NOTCH2: variants seen among roughly 807,000 people sequenced by gnomAD.
NOTCH2 encodes the protein notch receptor 2.
NOTCH2 carries 29 observed loss-of-function variants against 235.8 expected under a neutral mutation model. The observed-to-expected ratio is 0.12, with a 90% confidence interval of 0.09 to 0.17. NOTCH2 has a LOEUF of 0.17. NOTCH2 is among the 10% of genes least tolerant of loss of function. The pLI is 1.00. For synonymous variants in NOTCH2, 1,086 were observed against 1,141.5 expected, an observed-to-expected ratio of 0.95 and a Z score of 0.98; for missense variants, 2,285 against 3,150.2, an observed-to-expected ratio of 0.73 and a Z score of 6.57.
chr1:119,926,475 T>G (rs1570664779), intron 24 of NOTCH2, 24 bp downstream of exon 24: 1 of 1,517,776 alleles, frequency 6.6e-7, no homozygotes, highest in East Asian at 2.3e-5. Flanking sequence ...ATGCCCCTTC[T>G]TAGATGAGCA....
chr1:119,922,151 T>A, intron 28 of NOTCH2, 85 bp downstream of exon 28: 2 of 1,453,284 alleles, frequency 1.4e-6, no homozygotes, highest in Non-Finnish European at 1.9e-6. Flanking sequence ...GAGCTTAGAA[T>A]TTAAAATCAT....
rs889586094 is a variant in NOTCH2 at position 119,923,994 on chromosome 1, G to C, written c.4512-10C>G. The C allele has an allele frequency of 3.1e-6, 5 of 1,607,110 alleles. No homozygotes were observed. The African/African-American group carries it at 4.0e-5, about 13-fold the overall frequency. On this transcript the variant is annotated splice_polypyrimidine_tract_variant and intron_variant, in intron 25 of 33. Transcript: ENST00000256646. The stretch of plus-strand genomic sequence containing the variant: ...ACAGTATTTGTCATACCTAGGTAAG[G>C]GGAAGCAGAGAACAGGCAAAAGAGC...
chr1:119,957,883 C>CACACACACAA (rs1491347411), intron 12 of NOTCH2, among the ~76,000 whole-genome samples: 7 of 143,648 alleles, frequency 4.9e-5, no homozygotes, highest in East Asian at 4.0e-4. Context: ...CACACACACA[C>CACACACACAA]AACAGGCCCC....
In NOTCH2 at chr1:120,069,626, T is replaced by C. The variant is rs1351883992; in HGVS notation, c.-220A>G. On this transcript the variant is annotated 5_prime_UTR_variant, in exon 1 of 34. Transcript: ENST00000256646. ...GCCGCCTCAGCCGCCGCCCGAAGTT[T>C]GGCTGAAACTTTCTCGGGTGTGCAA... The C allele has an allele frequency of 6.4e-6, 9 of 1,401,982 alleles. No individual in the cohort carries two copies. Among genetic ancestry groups the C allele is most frequent in the African/African-American group, 1.5e-5 (1 of 65,682 alleles). The allele number at this position is 1,401,982 out of a possible 1,614,324, so 86.8% of individuals were successfully genotyped here. A position where few individuals can be genotyped will look rare whatever the true frequency, so the allele number is the denominator to read the frequency against.
rs372751663 is a variant in NOTCH2 at position 119,937,942 on chromosome 1, C to T, written c.3252G>A (p.Glu1084=). The change falls in exon 20 of 34, where the codon GAG becomes GAA. Residue 1084 remains glutamate (E), a synonymous_variant. Transcript: ENST00000256646. The part of the protein sequence containing the change: ...NKGTCVQKKA[E]SQCLCPSGWA... Reference sequence around the variant, plus strand: ...ATCCAGATGGACATAGGCACTGGGACTCTGCTTTTTTCTGAACGCAAGTAC... The same window carrying T: ...ATCCAGATGGACATAGGCACTGGGATTCTGCTTTTTTCTGAACGCAAGTAC... 2.5e-6 allele frequency: 4 copies of T among 1,614,064 alleles called. No individual in the cohort carries two copies. Among genetic ancestry groups the T allele is most frequent in the Non-Finnish European group, 3.4e-6 (4 of 1,180,030 alleles).
rs1003190653 is a variant in NOTCH2 at position 119,953,314 on chromosome 1, A to C, written c.2365+229T>G. On this transcript the variant is annotated intron_variant, in intron 14 of 33. Coordinates refer to ENST00000256646, the MANE Select transcript of NOTCH2 (RefSeq NM_024408.4). The stretch of plus-strand genomic sequence containing the variant: ...GGCAACAAGAGCAAAACTCTGTGTC[A>C]AAAAAAAAAAAAATTACTATTTCAA... Among the ~76,000 whole-genome samples, 11 of 79,212 alleles carry C rather than the reference A, an allele frequency of 1.4e-4. No individual in the cohort carries two copies. The African/African-American group carries it at 3.5e-3, about 25-fold the overall frequency. 52.0% of individuals were successfully genotyped at this position (79,212 alleles called of 152,430 possible). A position where few individuals can be genotyped will look rare whatever the true frequency, so the allele number is the denominator to read the frequency against.
At chr1:120,018,338 CT>C (rs1333686423) in intron 2 of NOTCH2, among the ~76,000 whole-genome samples, 1 of 99,760 alleles carries the variant, frequency 1.0e-5, no homozygotes, top group Non-Finnish European at 2.1e-5. Context: ...GACAAAGGTG[CT>C]TTCCAAAGTC....
chr1:120,007,586 A>C (rs1653029423), intron 2 of NOTCH2, among the ~76,000 whole-genome samples: 2 of 150,410 alleles, frequency 1.3e-5, no homozygotes, highest in East Asian at 1.9e-4. Flanking sequence ...GCTACTCGGG[A>C]GGCTGAGGCA....
intron 17 of NOTCH2, among the ~76,000 whole-genome samples, chr1:119,947,999 A>G (rs868974486): frequency 1.3e-5 from 2 of 152,344 alleles, no homozygotes; most frequent in African/African-American, 4.8e-5. Flanking sequence ...AGAAGGTTAA[A>G]TTGCAATGGG....
chr1:120,011,496 T>C (rs1413557666), intron 2 of NOTCH2, among the ~76,000 whole-genome samples: 2 of 152,250 alleles, frequency 1.3e-5, no homozygotes, highest in African/African-American at 4.8e-5. Context: ...TTTTTAGTGG[T>C]GCTTCTATGC....
chr1:120,039,497 C>T (rs1446991972), intron 1 of NOTCH2, among the ~76,000 whole-genome samples: 6 of 151,064 alleles, frequency 4.0e-5, no homozygotes, highest in Admixed American at 4.0e-4. Flanking sequence ...CAAGCTCCTC[C>T]TCCTGGGTTC....
intron 14 of NOTCH2, among the ~76,000 whole-genome samples, chr1:119,953,243 A>G (rs1220154806): frequency 6.6e-6 from 1 of 152,076 alleles, no homozygotes; most frequent in Non-Finnish European, 1.5e-5. Context: ...CCCGGGAGGT[A>G]GAGCTTGCAG....
intron 11 of NOTCH2, among the ~76,000 whole-genome samples, chr1:119,961,532 A>T (rs1553198970): frequency 6.6e-6 from 1 of 152,222 alleles, no homozygotes; most frequent in Admixed American, 6.5e-5. Flanking sequence ...CCAGTTTCCT[A>T]TTCTTTTCTC....
At chr1:119,948,762 TG>T (rs1650351235) in intron 16 of NOTCH2, among the ~76,000 whole-genome samples, 196 bp from the exon 17 acceptor site, 1 of 152,134 alleles carries the variant, frequency 6.6e-6, no homozygotes, top group South Asian at 2.1e-4. Flanking sequence ...CCCTGAAGAA[TG>T]AACATCATGG....
chr1:120,013,905 C>A (rs587710267), intron 2 of NOTCH2, among the ~76,000 whole-genome samples: 2 of 151,796 alleles, frequency 1.3e-5, no homozygotes, highest in South Asian at 2.1e-4. Flanking sequence ...ACCCAACAAC[C>A]CTTACATATC....
rs1650627193 is a variant in NOTCH2 at position 119,954,919 on chromosome 1, A to G, written c.2219+121T>C. ...TCAGAAGGCTTTGATGCAGACTACC[A>G]AATCTTCAGCAAAGTTTCAGCTCAA... On this transcript the variant is annotated intron_variant, in intron 13 of 33. Coordinates refer to ENST00000256646, the MANE Select transcript of NOTCH2 (RefSeq NM_024408.4). The G allele has an allele frequency of 3.1e-6, 3 of 963,704 alleles. No individual in the cohort carries two copies. The Admixed American group carries it at 5.9e-5, about 19-fold the overall frequency. The allele number at this position is 963,704 out of a possible 1,614,324, so 59.7% of individuals were successfully genotyped here.
intron 1 of NOTCH2, among the ~76,000 whole-genome samples, chr1:120,046,160 A>G (rs1654781884): frequency 7.2e-6 from 1 of 139,054 alleles, no homozygotes; most frequent in African/African-American, 2.8e-5. Flanking sequence ...TCAAGAGTAT[A>G]CAGTATGCCA....
At chr1:120,011,623 C>T (rs1553206942) in intron 2 of NOTCH2, among the ~76,000 whole-genome samples, 4 of 152,146 alleles carry the variant, frequency 2.6e-5, no homozygotes, top group Non-Finnish European at 5.9e-5. Flanking sequence ...TGTATATTTG[C>T]TAAGCATTTG....
At chr1:120,048,283 T>C (rs1654878251) in intron 1 of NOTCH2, among the ~76,000 whole-genome samples, 1 of 139,256 alleles carries the variant, frequency 7.2e-6, no homozygotes, top group Non-Finnish European at 1.5e-5. Context: ...GTCCATACTA[T>C]GTGATACTCT....
Sources: allele counts gnomAD v4.1 joint callset (sites outside exome capture counted in the v4.1 genomes callset), GRCh38; gene constraint gnomAD v4.1.1; transcripts MANE v1.5; gene names NCBI Gene and HGNC (gene_info 2026-07-23, HGNC 2026-07-21).